CSMD3: variants seen among roughly 807,000 people sequenced by gnomAD.
CSMD3 encodes CUB and sushi domain-containing protein 3.
In CSMD3, 177 loss-of-function variants were observed where a neutral mutation model predicts 435.2. The ratio of observed to expected loss-of-function variants is 0.41; its 90% CI spans 0.36 to 0.46. The LOEUF (loss-of-function observed/expected upper bound fraction) is 0.46. Among genes scored for constraint, CSMD3 ranks in the 20% least tolerant of loss-of-function variants. The probability of loss-of-function intolerance (pLI) is 0.34; values close to 1 mark genes in which losing one functional copy is unlikely to be tolerated. For synonymous variants in CSMD3, 1,656 were observed against 1,520.5 expected, an observed-to-expected ratio of 1.09 and a Z score of -2.07; for missense variants, 4,265 against 4,504.6, an observed-to-expected ratio of 0.95 and a Z score of 1.52.
chr8:112,892,550 G>T (rs2081828304), intron 10 of CSMD3, among the ~76,000 whole-genome samples: 1 of 151,508 alleles, frequency 6.6e-6, no homozygotes, highest in Non-Finnish European at 1.5e-5. Flanking sequence ...AAAAGAAGTA[G>T]ATACTGAAAT....
intron 1 of CSMD3, among the ~76,000 whole-genome samples, chr8:113,398,135 T>A (rs1006285422): frequency 6.6e-6 from 1 of 152,202 alleles, no homozygotes; most frequent in Admixed American, 6.6e-5. Context: ...TCCCCAAGAT[T>A]GTAAAATGTT....
chr8:113,110,721 T>C (rs993518308), intron 4 of CSMD3, among the ~76,000 whole-genome samples: 46 of 152,200 alleles, frequency 3.0e-4, no homozygotes, highest in African/African-American at 1.1e-3. Context: ...TCAAAACCCT[T>C]CCAGCCTCTA....
chr8:112,979,660 T>C (rs531771651), intron 6 of CSMD3, among the ~76,000 whole-genome samples: 1 of 151,548 alleles, frequency 6.6e-6, no homozygotes, highest in East Asian at 1.9e-4. Context: ...TGCTACACAA[T>C]TAGGTAAGCA....
chr8:113,065,609 C>T (rs1484360202), intron 5 of CSMD3, among the ~76,000 whole-genome samples: 1 of 151,978 alleles, frequency 6.6e-6, no homozygotes, highest in Non-Finnish European at 1.5e-5. Context: ...AAGATGGTCT[C>T]GATCTCCTGA....
At chr8:112,897,762 A>G (rs2081993721) in intron 10 of CSMD3, among the ~76,000 whole-genome samples, 1 of 150,448 alleles carries the variant, frequency 6.6e-6, no homozygotes, top group Admixed American at 6.7e-5. Context: ...GAGATAAAAG[A>G]GTGAAAAAAA....
chr8:112,919,696 T>C (rs1219677125), intron 10 of CSMD3, among the ~76,000 whole-genome samples: 1 of 151,932 alleles, frequency 6.6e-6, no homozygotes, highest in Non-Finnish European at 1.5e-5. Flanking sequence ...TTTATGGCTA[T>C]AATTTCATCT....
intron 28 of CSMD3, among the ~76,000 whole-genome samples, chr8:112,514,415 A>C (rs1823464395): frequency 6.6e-6 from 1 of 152,186 alleles, no homozygotes; most frequent in Admixed American, 6.6e-5. Context: ...TCAGGGATTC[A>C]TGAATTAAGT....
chr8:112,646,696 G>A (rs1466863367), intron 19 of CSMD3, among the ~76,000 whole-genome samples: 2 of 152,052 alleles, frequency 1.3e-5, no homozygotes, highest in Non-Finnish European at 2.9e-5. Flanking sequence ...AATCAGATGG[G>A]AAAGTATAGA....
intron 10 of CSMD3, among the ~76,000 whole-genome samples, chr8:112,872,434 A>G (rs1310605113): frequency 6.6e-6 from 1 of 152,058 alleles, no homozygotes; most frequent in Non-Finnish European, 1.5e-5. Flanking sequence ...AAAGGAAAAG[A>G]ATTAAAATCA....
At position 113,273,601 on chromosome 8, in the gene CSMD3, A is replaced by G. The variant is rs977374218; in HGVS notation, c.514+4991T>C. ...TCAGACTGAGAAAACATACTACTGT[A>G]TATATGGTTTGGTACTATCCACAAT... On this transcript the variant is annotated intron_variant, in intron 3 of 70. Coordinates refer to ENST00000297405, the MANE Select transcript of CSMD3 (RefSeq NM_198123.2). 3.9e-5 allele frequency among the ~76,000 whole-genome samples: 6 copies of G among 152,256 alleles called. No homozygotes were observed. The South Asian group carries it at 6.2e-4, about 16-fold the overall frequency.
chr8:112,971,826 T>A (rs2084669107), intron 7 of CSMD3, among the ~76,000 whole-genome samples: 1 of 152,086 alleles, frequency 6.6e-6, no homozygotes, highest in Admixed American at 6.6e-5. Flanking sequence ...AGACTGCAAA[T>A]AATTTTCTGC....
chr8:112,463,127 G>T (rs1291190895), intron 32 of CSMD3, among the ~76,000 whole-genome samples: 3 of 152,150 alleles, frequency 2.0e-5, no homozygotes, highest in Non-Finnish European at 4.4e-5. Context: ...GGAGGCCAAG[G>T]CCAAGGTGGG....
At chr8:113,378,762 A>AGTGTGTGT (rs5894145) in intron 1 of CSMD3, among the ~76,000 whole-genome samples, 5,117 of 148,188 alleles carry the variant, frequency 0.035, 192 homozygotes, top group African/African-American at 0.091. Context: ...GTCACACTGA[A>AGTGTGTGT]GTGTGTGTGT....
chr8:113,362,527 T>G (rs2094284096), intron 1 of CSMD3, among the ~76,000 whole-genome samples: 1 of 152,346 alleles, frequency 6.6e-6, no homozygotes, highest in African/African-American at 2.4e-5. Context: ...GTAACAAGAC[T>G]ATTGCAGTGT....
At chr8:112,942,396 T>C (rs2083478532) in intron 9 of CSMD3, among the ~76,000 whole-genome samples, 1 of 151,674 alleles carries the variant, frequency 6.6e-6, no homozygotes, top group African/African-American at 2.4e-5. Flanking sequence ...TGTTCTACCA[T>C]AAAGGCACAT....
At chr8:112,854,603 A>C (rs150875585) in intron 11 of CSMD3, among the ~76,000 whole-genome samples, 1 of 152,210 alleles carries the variant, frequency 6.6e-6, no homozygotes, top group South Asian at 2.1e-4. Flanking sequence ...AAGTTACCTA[A>C]TTAGAATGTA....
At chr8:112,778,298 C>T (rs2078295782) in intron 13 of CSMD3, among the ~76,000 whole-genome samples, 1 of 151,870 alleles carries the variant, frequency 6.6e-6, no homozygotes, top group African/African-American at 2.4e-5. Context: ...AGTATGATGG[C>T]ATGTATCTAC....
At chr8:112,445,328 T>C (rs1277226666) in intron 32 of CSMD3, among the ~76,000 whole-genome samples, 1 of 152,152 alleles carries the variant, frequency 6.6e-6, no homozygotes, top group Non-Finnish European at 1.5e-5. Context: ...GAAGGACTAC[T>C]TGAGGCTGGG....
intron 5 of CSMD3, among the ~76,000 whole-genome samples, chr8:113,034,577 C>T (rs181937691): frequency 6.6e-6 from 1 of 152,170 alleles, no homozygotes; most frequent in East Asian, 1.9e-4. Context: ...TGTATGTTTT[C>T]TGCTAGGAGT....
Sources: allele counts gnomAD v4.1 joint callset (sites outside exome capture counted in the v4.1 genomes callset), GRCh38; gene constraint gnomAD v4.1.1; transcripts MANE v1.5; gene names NCBI Gene and HGNC (gene_info 2026-07-23, HGNC 2026-07-21).